Variants in PARD3 observed in about 807,000 individuals in gnomAD.
PARD3 encodes par-3 family cell polarity regulator.
A neutral mutation model predicts 155.4 loss-of-function variants in PARD3; 75 were observed. That is an observed-to-expected ratio of 0.48 (90% CI 0.40 to 0.58). PARD3 has a LOEUF of 0.58. Ranked by LOEUF, PARD3 falls within the 20% of genes least tolerant of loss-of-function variation. PARD3 has a pLI of 0.00. For synonymous variants in PARD3, 576 were observed against 610.5 expected, an observed-to-expected ratio of 0.94 and a Z score of 0.83; for missense variants, 1,642 against 1,721.7, an observed-to-expected ratio of 0.95 and a Z score of 0.82.
intron 1 of PARD3, among the ~76,000 whole-genome samples, chr10:34,704,055 G>A (rs958634913): frequency 1.3e-5 from 2 of 152,182 alleles, no homozygotes; most frequent in Non-Finnish European, 2.9e-5. Context: ...CTCCCGGGAC[G>A]ATGGTGAAGG....
At chr10:34,345,452 T>C (rs1013743421) in intron 15 of PARD3, 2 of 985,174 alleles carry the variant, frequency 2.0e-6, no homozygotes, top group African/African-American at 3.5e-5. Flanking sequence ...AAGTTCCTTT[T>C]GTATCATAGC....
intron 4 of PARD3, among the ~76,000 whole-genome samples, chr10:34,461,654 T>C (rs749076200): frequency 1.3e-5 from 2 of 152,022 alleles, no homozygotes; most frequent in Non-Finnish European, 2.9e-5. Context: ...TCAAATGAGA[T>C]TAAAATATTT....
intron 2 of PARD3, among the ~76,000 whole-genome samples, chr10:34,549,162 C>T (rs1472747905): frequency 6.6e-6 from 1 of 152,168 alleles, no homozygotes; most frequent in Admixed American, 6.5e-5. Context: ...AGCAGTAGAA[C>T]TTGTTCCCAT....
chr10:34,741,238 G>A (rs1302632987), intron 1 of PARD3, among the ~76,000 whole-genome samples: 1 of 136,806 alleles, frequency 7.3e-6, no homozygotes, highest in East Asian at 2.4e-4. Flanking sequence ...AGGCTGGAGT[G>A]TGGTGGTGCG....
At chr10:34,613,639 CTAT>C (rs2091060426) in intron 2 of PARD3, among the ~76,000 whole-genome samples, 1 of 152,040 alleles carries the variant, frequency 6.6e-6, no homozygotes, top group Admixed American at 6.6e-5. Flanking sequence ...TTCATTCTGC[CTAT>C]TATAAGAACA....
At chr10:34,136,127 C>T (rs1354340818) in intron 22 of PARD3, among the ~76,000 whole-genome samples, 1 of 152,196 alleles carries the variant, frequency 6.6e-6, no homozygotes, top group African/African-American at 2.4e-5. Context: ...TTTTATCTGT[C>T]GCTTCTCCAG....
At chr10:34,485,767 G>A (rs1025265583) in intron 3 of PARD3, among the ~76,000 whole-genome samples, 6 of 152,082 alleles carry the variant, frequency 3.9e-5, no homozygotes, top group South Asian at 2.1e-4. Flanking sequence ...GACTCCTTGC[G>A]AGAGAGATTT....
intron 4 of PARD3, among the ~76,000 whole-genome samples, chr10:34,463,327 A>AGGAATG (rs1182317404): frequency 1.1e-5 from 1 of 93,024 alleles, no homozygotes; most frequent in African/African-American, 4.3e-5. Context: ...GGAAAGGGAA[A>AGGAATG]GGAATGGGAA....
At chr10:34,755,995 C>T (rs1485228000) in intron 1 of PARD3, among the ~76,000 whole-genome samples, 1 of 152,014 alleles carries the variant, frequency 6.6e-6, no homozygotes, top group South Asian at 2.1e-4. Flanking sequence ...GTCCTTTACT[C>T]TAGTCTCACA....
chr10:34,113,934 T>C (rs1588801441), intron 24 of PARD3, among the ~76,000 whole-genome samples: 1 of 152,214 alleles, frequency 6.6e-6, no homozygotes, highest in South Asian at 2.1e-4. Flanking sequence ...GAGGAGTAGT[T>C]TGAAGACAAA....
chr10:34,180,161 C>A (rs2133188971), intron 22 of PARD3, among the ~76,000 whole-genome samples: 1 of 152,270 alleles, frequency 6.6e-6, no homozygotes, highest in Non-Finnish European at 1.5e-5. Flanking sequence ...GATTCTCCTG[C>A]CTCAGCCTCC....
intron 1 of PARD3, among the ~76,000 whole-genome samples, chr10:34,803,256 C>CA (rs1435788705): frequency 0.022 from 1,985 of 88,252 alleles, 31 homozygotes; most frequent in African/African-American, 0.065. Flanking sequence ...TAAATAATAA[C>CA]AAAAAAAAAA....
intron 23 of PARD3, among the ~76,000 whole-genome samples, chr10:34,121,919 C>T (rs186194479): frequency 6.6e-6 from 1 of 152,166 alleles, no homozygotes; most frequent in Non-Finnish European, 1.5e-5. Context: ...CTTCGCTGAG[C>T]GAGTTCTGCT....
intron 2 of PARD3, among the ~76,000 whole-genome samples, chr10:34,648,447 C>T (rs1165851306): frequency 6.6e-6 from 1 of 152,178 alleles, no homozygotes; most frequent in Non-Finnish European, 1.5e-5. Flanking sequence ...CAGTGGCCCC[C>T]AACTTTTTTT....
intron 2 of PARD3, among the ~76,000 whole-genome samples, chr10:34,570,321 T>C (rs768077480): frequency 1.3e-5 from 2 of 152,240 alleles, no homozygotes; most frequent in Non-Finnish European, 2.9e-5. Context: ...ACTGTTTTTG[T>C]TTCCATTGAG....
chr10:34,302,152 CA>C (rs948421046), intron 20 of PARD3, among the ~76,000 whole-genome samples: 10 of 152,190 alleles, frequency 6.6e-5, no homozygotes, highest in African/African-American at 2.4e-4. Context: ...CCAGGTTCCT[CA>C]TCCCACCCTC....
intron 19 of PARD3, among the ~76,000 whole-genome samples, chr10:34,330,680 T>A (rs1397156140): frequency 2.0e-5 from 3 of 152,178 alleles, no homozygotes; most frequent in Non-Finnish European, 4.4e-5. Context: ...TCTAGCAACA[T>A]GTACTGAATT....
At chr10:34,506,219 G>A (rs900938536) in intron 3 of PARD3, among the ~76,000 whole-genome samples, 1 of 152,170 alleles carries the variant, frequency 6.6e-6, no homozygotes, top group Non-Finnish European at 1.5e-5. Flanking sequence ...TCAGGAGTTT[G>A]GAAATGCCAC....
chr10:34,450,351 G>T lies in PARD3; in HGVS notation c.680C>A (p.Pro227Gln). 1 of 1,613,892 alleles carries T rather than the reference G, an allele frequency of 6.2e-7. No individual in the cohort carries two copies. The highest frequency in any genetic ancestry group is 8.5e-7 in the Non-Finnish European group (1 of 1,179,880). ...NARSSLSASH[P>Q]MVGKWLEKQE... ...TTTCTCCAGCCACTTGCCCACCATT[G>T]GGTGACTGGCACTCAGAGACGAGCG... The change falls in exon 5 of 25, where the codon CCA (proline) becomes CAA (glutamine). Residue 227 changes from proline (P) to glutamine (Q), a missense_variant. Pro to Gln is a moderately conservative substitution (Grantham distance 76). Around this residue, in one of 3 missense-constraint regions of PARD3, gnomAD observed 1,529 missense variants for 1,587.3 expected, o/e 0.96. Coordinates refer to ENST00000374788, the MANE Select transcript of PARD3 (RefSeq NM_001184785.2).
Sources: gnomAD v4.1 joint callset for allele counts (sites outside exome capture counted in the v4.1 genomes callset) on GRCh38, gnomAD v4.1.1 for gene constraint, gnomAD v4.1.1 regional missense constraint, MANE v1.5 for transcripts, NCBI Gene and HGNC (gene_info 2026-07-23, HGNC 2026-07-21) for gene names.